SMYD3: variants seen among roughly 807,000 people sequenced by gnomAD.
The protein encoded by SMYD3 is histone-lysine N-methyltransferase SMYD3.
In SMYD3, 36 loss-of-function variants were observed where a neutral mutation model predicts 57.7. The ratio of observed to expected loss-of-function variants is 0.62; its 90% CI spans 0.48 to 0.82. The LOEUF (loss-of-function observed/expected upper bound fraction) is 0.82, where lower values mean the gene tolerates loss of function less well. Ranked by LOEUF, SMYD3 falls within the 40% of genes least tolerant of loss-of-function variation. The pLI is 0.00. For synonymous variants in SMYD3, 211 were observed against 195.0 expected, an observed-to-expected ratio of 1.08 and a Z score of -0.68; for missense variants, 515 against 538.8, an observed-to-expected ratio of 0.96 and a Z score of 0.44.
At chr1:246,372,790 G>A (rs1035738212) in intron 1 of SMYD3, among the ~76,000 whole-genome samples, 1 of 152,182 alleles carries the variant, frequency 6.6e-6, no homozygotes, top group African/African-American at 2.4e-5. Flanking sequence ...CAGGAGAGAG[G>A]AGAAAATGCA....
intron 10 of SMYD3, among the ~76,000 whole-genome samples, chr1:245,783,543 C>A (rs576461317): frequency 6.6e-6 from 1 of 151,172 alleles, no homozygotes; most frequent in South Asian, 2.1e-4. Context: ...GAAGTACTAG[C>A]CAGTGTAATA....
chr1:245,778,771 A>C (rs1001194421), intron 10 of SMYD3, among the ~76,000 whole-genome samples: 14 of 152,166 alleles, frequency 9.2e-5, no homozygotes, highest in African/African-American at 3.4e-4. Context: ...GTTAGGCAAG[A>C]GTTCTTAAAT....
chr1:246,443,253 T>G (rs2067498487), intron 1 of SMYD3, among the ~76,000 whole-genome samples: 1 of 152,214 alleles, frequency 6.6e-6, no homozygotes, highest in African/African-American at 2.4e-5. Flanking sequence ...TTCAGTTTGA[T>G]CCTCAAACTG....
chr1:246,259,648 G>A (rs181246285), intron 5 of SMYD3, among the ~76,000 whole-genome samples: 71 of 152,316 alleles, frequency 4.7e-4, no homozygotes, highest in Non-Finnish European at 8.8e-4. Flanking sequence ...CTTGTTTACT[G>A]GCAGAAGTTC....
intron 5 of SMYD3, among the ~76,000 whole-genome samples, chr1:246,225,412 C>A (rs1192144989): frequency 1.5e-5 from 2 of 129,258 alleles, no homozygotes; most frequent in Non-Finnish European, 3.2e-5. Context: ...CTTATTAGAA[C>A]AACTGTAATG....
At position 246,072,912 on chromosome 1, in the gene SMYD3, C is replaced by A. The variant is rs111753876; in HGVS notation, c.532-142975G>T. 2.8e-4 allele frequency among the ~76,000 whole-genome samples: 42 copies of A among 152,316 alleles called. 1 individual carries two copies. The highest frequency in any genetic ancestry group is 9.9e-4 in the African/African-American group (41 of 41,564). Reference sequence around the variant, plus strand: ...CATGTACATAAAAACACTGAAACTTCTTCCATAAATGAAGAACTGCCTTTT... The same window carrying A: ...CATGTACATAAAAACACTGAAACTTATTCCATAAATGAAGAACTGCCTTTT... On this transcript the variant is annotated intron_variant, in intron 5 of 11. Transcript: ENST00000490107.
chr1:245,941,946 C>A (rs918145724), intron 5 of SMYD3, among the ~76,000 whole-genome samples: 1 of 152,156 alleles, frequency 6.6e-6, no homozygotes, highest in African/African-American at 2.4e-5. Context: ...TGTGTCACCA[C>A]CAGGCCTACC....
intron 5 of SMYD3, among the ~76,000 whole-genome samples, chr1:246,116,154 GAAA>G (rs1050642988): frequency 6.7e-6 from 1 of 149,042 alleles, no homozygotes; most frequent in African/African-American, 2.5e-5. Flanking sequence ...AAGAAAAAAA[GAAA>G]AAAAGAATTA....
intron 5 of SMYD3, among the ~76,000 whole-genome samples, chr1:245,974,007 A>G (rs1310960765): frequency 1.3e-5 from 2 of 152,136 alleles, no homozygotes; most frequent in Non-Finnish European, 2.9e-5. Context: ...ACCTATGCTT[A>G]TAGGTCTAAA....
chr1:246,500,634 C>G (rs1246080865), intron 1 of SMYD3, among the ~76,000 whole-genome samples: 1 of 152,228 alleles, frequency 6.6e-6, no homozygotes. Flanking sequence ...TCTGTACCAG[C>G]AGAAGCCACA....
chr1:246,285,180 G>A (rs567200841), intron 5 of SMYD3, among the ~76,000 whole-genome samples: 9 of 152,132 alleles, frequency 5.9e-5, no homozygotes, highest in Middle Eastern at 3.4e-3. Context: ...CACCCTCATA[G>A]CTTAGCTCTC....
chr1:246,169,246 A>G (rs1022741747), intron 5 of SMYD3, among the ~76,000 whole-genome samples: 10 of 152,056 alleles, frequency 6.6e-5, no homozygotes, highest in African/African-American at 2.4e-4. Context: ...TTTATCTTCC[A>G]CACTGCAACG....
At chr1:246,327,541 A>G (rs551756967) in intron 4 of SMYD3, among the ~76,000 whole-genome samples, 8 of 152,366 alleles carry the variant, frequency 5.3e-5, no homozygotes, top group Middle Eastern at 3.4e-3. Flanking sequence ...TTTGTCTGCA[A>G]TGTAAGATCA....
chr1:246,349,984 G>A (rs949692676), intron 2 of SMYD3, among the ~76,000 whole-genome samples: 8 of 152,112 alleles, frequency 5.3e-5, no homozygotes, highest in African/African-American at 1.7e-4. Context: ...AGGAATGGTC[G>A]CAGTGGATCA....
chr1:246,017,163 T>TC (rs1036698050), intron 5 of SMYD3, among the ~76,000 whole-genome samples: 15 of 152,274 alleles, frequency 9.9e-5, no homozygotes, highest in African/African-American at 3.6e-4. Context: ...TAATTTTTAT[T>TC]CTTTTTTTTT....
chr1:246,032,995 A>C (rs975158424), intron 5 of SMYD3, among the ~76,000 whole-genome samples: 1 of 152,250 alleles, frequency 6.6e-6, no homozygotes, highest in African/African-American at 2.4e-5. Flanking sequence ...GCAAGTTGCA[A>C]GCTAAACCTG....
intron 5 of SMYD3, among the ~76,000 whole-genome samples, chr1:246,071,019 G>A (rs767525457): frequency 5.1e-4 from 77 of 152,212 alleles, no homozygotes; most frequent in Non-Finnish European, 7.8e-4. Flanking sequence ...TTACTGGTTC[G>A]ATCAGAAATA....
intron 5 of SMYD3, among the ~76,000 whole-genome samples, chr1:246,180,667 G>A (rs2062531386): frequency 6.8e-6 from 1 of 148,148 alleles, no homozygotes; most frequent in Non-Finnish European, 1.5e-5. Context: ...GCTAACGCAG[G>A]AGAACAGCTT....
chr1:246,231,404 G>T (rs913426646), intron 5 of SMYD3, among the ~76,000 whole-genome samples: 4 of 152,042 alleles, frequency 2.6e-5, no homozygotes, highest in African/African-American at 9.7e-5. Flanking sequence ...CCCACTATAT[G>T]GAAGAGTATA....
Sources: allele counts gnomAD v4.1 joint callset (sites outside exome capture counted in the v4.1 genomes callset), GRCh38; gene constraint gnomAD v4.1.1; transcripts MANE v1.5; gene names NCBI Gene and HGNC (gene_info 2026-07-23, HGNC 2026-07-21).